The following FNBP1L variants were observed in gnomAD, a reference collection of about 807,000 sequenced individuals.
FNBP1L encodes formin binding protein 1 like, also known as formin-binding protein 1-like.
In FNBP1L, 36 loss-of-function variants were observed where a neutral mutation model predicts 91.2. That is an observed-to-expected ratio of 0.39 (90% CI 0.30 to 0.52). The LOEUF is 0.52. Among genes scored for constraint, FNBP1L ranks in the 20% least tolerant of loss-of-function variants. The pLI is 0.66. For missense variants in FNBP1L, 571 were observed against 732.1 expected (o/e 0.78, Z 2.54); for synonymous variants, 242 against 237.0 (o/e 1.02, Z -0.19).
intron 1 of FNBP1L, among the ~76,000 whole-genome samples, chr1:93,481,553 GC>G (rs1169313688): frequency 6.6e-6 from 1 of 152,106 alleles, no homozygotes; most frequent in Non-Finnish European, 1.5e-5. Flanking sequence ...ACACTTACAA[GC>G]CTCTTACTAA....
chr1:93,534,862 T>G lies in FNBP1L; in HGVS notation c.944T>G (p.Val315Gly). The G allele has an allele frequency of 6.3e-7, 1 of 1,580,034 alleles. No individual in the cohort carries two copies. Among genetic ancestry groups the G allele is most frequent in the East Asian group, 2.3e-5 (1 of 43,392 alleles). ...ESGKMDAKTTVGKAKGKLWLF... is the reference protein window; with the variant it reads ...ESGKMDAKTTGGKAKGKLWLF... ...GGGAAGATGGATGCCAAAACCACAG[T>G]AGGAAAGGCCAAGGGCAAATTGTGG... The change falls in exon 9 of 17, where the codon GTA becomes GGA. Residue 315 changes from valine to glycine, a missense_variant. Physicochemically the swap from Val to Gly is moderately radical, Grantham distance 109. This residue lies in a region of FNBP1L where 150 missense variants were observed against 155.9 expected (regional missense o/e 0.96). Coordinates refer to ENST00000271234, the MANE Select transcript of FNBP1L (RefSeq NM_001164473.3).
chr1:93,552,194 C>CCA, intron 16 of FNBP1L: 1 of 1,340,454 alleles, frequency 7.5e-7, no homozygotes, highest in Non-Finnish European at 9.5e-7. Context: ...GGTTGTGTGA[C>CCA]CACACCCTGA....
chr1:93,489,278 G>A (rs1266514300), intron 1 of FNBP1L, among the ~76,000 whole-genome samples: 1 of 151,986 alleles, frequency 6.6e-6, no homozygotes, highest in Non-Finnish European at 1.5e-5. Flanking sequence ...TGGATATGAC[G>A]ACAGGAGTGG....
chr1:93,466,009 G>C (rs1012398031), intron 1 of FNBP1L, among the ~76,000 whole-genome samples: 4 of 152,184 alleles, frequency 2.6e-5, no homozygotes, highest in African/African-American at 7.2e-5. Context: ...CTTCTTTTGA[G>C]AAGTATGTGT....
rs868048774 is a variant in FNBP1L at position 93,536,372 on chromosome 1, C to T, written c.1031C>T (p.Ser344Phe). Residue 344 changes from serine to phenylalanine, a missense_variant, in exon 10 of 17, where the codon TCC (serine) becomes TTC (phenylalanine). Physicochemically the swap from Ser to Phe is radical, Grantham distance 155. Around this residue, in one of 5 missense-constraint regions of FNBP1L, gnomAD observed 150 missense variants for 155.9 expected, o/e 0.96. Coordinates refer to ENST00000271234, the MANE Select transcript of FNBP1L (RefSeq NM_001164473.3). ...TTAACCCCTACTAGTTTATTCACAT[C>T]CAGTACTCCTAATGGGTCCCAGTTT... ...PPLTPTSLFTSSTPNGSQFLT... is the reference protein window; with the variant it reads ...PPLTPTSLFTFSTPNGSQFLT... 1 of 1,549,982 alleles carries T rather than the reference C, an allele frequency of 6.5e-7. No homozygotes were observed. The highest frequency in any genetic ancestry group is 2.0e-5 in the Admixed American group (1 of 50,742).
intron 1 of FNBP1L, among the ~76,000 whole-genome samples, chr1:93,468,362 C>G (rs1553209245): frequency 6.6e-6 from 1 of 151,840 alleles, no homozygotes; most frequent in Non-Finnish European, 1.5e-5. Flanking sequence ...TGTTGATTGA[C>G]TTTTAGGTGT....
intron 1 of FNBP1L, among the ~76,000 whole-genome samples, chr1:93,493,273 C>T (rs1248739093): frequency 1.3e-5 from 2 of 152,100 alleles, no homozygotes; most frequent in African/African-American, 4.8e-5. Context: ...GGCTTAAGCC[C>T]AGGATTTCGA....
intron 15 of FNBP1L, among the ~76,000 whole-genome samples, chr1:93,550,068 C>T (rs1312562226): frequency 2.0e-5 from 3 of 152,148 alleles, no homozygotes; most frequent in Non-Finnish European, 4.4e-5. Context: ...GAGAACTGAG[C>T]GACACTTTCA....
chr1:93,533,183 A>G, intron 8 of FNBP1L, 115 bp downstream of exon 8: 1 of 799,882 alleles, frequency 1.3e-6, no homozygotes. Context: ...TCTAAATTAT[A>G]TTCTGTAGAA....
intron 1 of FNBP1L, among the ~76,000 whole-genome samples, chr1:93,449,503 A>G (rs1257553691): frequency 6.6e-6 from 1 of 152,214 alleles, no homozygotes; most frequent in Admixed American, 6.5e-5. Flanking sequence ...CAATGGGTTA[A>G]TTGAAAGGCA....
chr1:93,536,610 A>G lies in FNBP1L; in HGVS notation c.1149+120A>G. On this transcript the variant is annotated intron_variant, in intron 10 of 16. Transcript: ENST00000271234. ...TAAATACACAGTTTAAAAACACCAC[A>G]GAATTAAGAATAGCTGCCCTCAAGT... The G allele has an allele frequency of 5.9e-6, 5 of 849,000 alleles. No individual in the cohort carries two copies. In the South Asian group the frequency reaches 1.9e-4, roughly 32 times the overall value. The allele number at this position is 849,000 out of a possible 1,614,324, so 52.6% of individuals were successfully genotyped here.
chr1:93,544,358 G>A, intron 12 of FNBP1L, 142 bp downstream of exon 12: 1 of 478,452 alleles, frequency 2.1e-6, no homozygotes, highest in East Asian at 3.9e-5. Flanking sequence ...CTCCTACCCT[G>A]GAAATTTTTA....
At chr1:93,513,140 C>G (rs1470218421) in intron 2 of FNBP1L, among the ~76,000 whole-genome samples, 1 of 152,150 alleles carries the variant, frequency 6.6e-6, no homozygotes, top group Non-Finnish European at 1.5e-5. Context: ...ACTACAAATA[C>G]CTCTACACAA....
At chr1:93,496,983 CAG>C (rs1570803663) in intron 1 of FNBP1L, among the ~76,000 whole-genome samples, 2 of 152,166 alleles carry the variant, frequency 1.3e-5, no homozygotes, top group East Asian at 3.9e-4. Flanking sequence ...TTTTTTGAGA[CAG>C]AGTCTCGCTC....
chr1:93,461,754 T>C (rs577660202), intron 1 of FNBP1L, among the ~76,000 whole-genome samples: 1 of 152,268 alleles, frequency 6.6e-6, no homozygotes, highest in African/African-American at 2.4e-5. Context: ...AAGATCTCTG[T>C]CTCCAAGGAA....
At chr1:93,489,783 T>A (rs977940745) in intron 1 of FNBP1L, among the ~76,000 whole-genome samples, 4 of 152,226 alleles carry the variant, frequency 2.6e-5, no homozygotes, top group African/African-American at 9.6e-5. Flanking sequence ...TCTTTGAGGA[T>A]AGACATGGTT....
intron 1 of FNBP1L, among the ~76,000 whole-genome samples, chr1:93,480,649 A>C (rs1669666822): frequency 6.6e-6 from 1 of 151,588 alleles, no homozygotes. Context: ...GCAGTGGCAC[A>C]ATCTTGGCTC....
intron 10 of FNBP1L, among the ~76,000 whole-genome samples, chr1:93,539,134 G>A (rs1160293768): frequency 6.6e-6 from 1 of 152,012 alleles, no homozygotes; most frequent in African/African-American, 2.4e-5. Flanking sequence ...TTAGCAATGA[G>A]TCCAGGTTTT....
At chr1:93,479,572 C>T (rs1290936724) in intron 1 of FNBP1L, among the ~76,000 whole-genome samples, 1 of 152,088 alleles carries the variant, frequency 6.6e-6, no homozygotes, top group Non-Finnish European at 1.5e-5. Context: ...AAGACAGGCA[C>T]TCCCAGAGCA....
Sources: gnomAD v4.1 joint callset for allele counts (sites outside exome capture counted in the v4.1 genomes callset) on GRCh38, gnomAD v4.1.1 for gene constraint, gnomAD v4.1.1 regional missense constraint, MANE v1.5 for transcripts, NCBI Gene and HGNC (gene_info 2026-07-23, HGNC 2026-07-21) for gene names.